Variants in NGF observed in about 807,000 individuals in gnomAD.
The protein encoded by NGF is beta-nerve growth factor.
Under a neutral mutation model 12.8 loss-of-function variants are expected in NGF, and 4 were observed. The ratio of observed to expected loss-of-function variants is 0.31; its 90% CI spans 0.15 to 0.72. The LOEUF (loss-of-function observed/expected upper bound fraction) is 0.72. Ranked by LOEUF, NGF falls within the 30% of genes least tolerant of loss-of-function variation. The pLI, the probability that NGF is intolerant of heterozygous loss-of-function variation, is 0.69. For synonymous variants in NGF, 140 were observed against 130.0 expected, an observed-to-expected ratio of 1.08 and a Z score of -0.52; for missense variants, 283 against 330.8, an observed-to-expected ratio of 0.86 and a Z score of 1.12.
At chr1:115,334,114 T>C (rs1655040517) in intron 1 of NGF, among the ~76,000 whole-genome samples, 1 of 152,172 alleles carries the variant, frequency 6.6e-6, no homozygotes, top group Non-Finnish European at 1.5e-5. Context: ...GCACCATCCC[T>C]CGAGTGTAGT....
At chr1:115,330,399 A>T (rs1369696982) in intron 1 of NGF, among the ~76,000 whole-genome samples, 2 of 152,216 alleles carry the variant, frequency 1.3e-5, no homozygotes, top group Non-Finnish European at 2.9e-5. Flanking sequence ...TAAAGAAGTC[A>T]TCTGTTCTGA....
chr1:115,312,066 A>G (rs1228329331), intron 1 of NGF, among the ~76,000 whole-genome samples: 1 of 152,218 alleles, frequency 6.6e-6, no homozygotes, highest in Non-Finnish European at 1.5e-5. Context: ...AAGTTCTAAC[A>G]CTTAAGTTGT....
chr1:115,326,742 G>A (rs1004774859), intron 1 of NGF, among the ~76,000 whole-genome samples: 10 of 152,120 alleles, frequency 6.6e-5, no homozygotes, highest in African/African-American at 1.7e-4. Flanking sequence ...CAGGGCAAGT[G>A]ACTGTCAAGA....
intron 1 of NGF, among the ~76,000 whole-genome samples, chr1:115,322,527 C>A (rs370877044): frequency 2.4e-4 from 37 of 152,118 alleles, no homozygotes; most frequent in African/African-American, 7.5e-4. Flanking sequence ...ACTGTCCCCC[C>A]CTAAATTGTG....
At chr1:115,315,703 G>C (rs1345186677) in intron 1 of NGF, among the ~76,000 whole-genome samples, 1 of 152,196 alleles carries the variant, frequency 6.6e-6, no homozygotes, top group Non-Finnish European at 1.5e-5. Flanking sequence ...AGTTAGGGGA[G>C]AGGTCAAGGG....
intron 1 of NGF, among the ~76,000 whole-genome samples, chr1:115,305,590 T>C (rs1654180573): frequency 6.6e-6 from 1 of 152,216 alleles, no homozygotes; most frequent in Admixed American, 6.5e-5. Context: ...CTTTTGAGTT[T>C]GTAAAATATC....
At chr1:115,326,616 A>G (rs17033688) in intron 1 of NGF, among the ~76,000 whole-genome samples, 5,488 of 152,220 alleles carry the variant, frequency 0.036, 318 homozygotes, top group African/African-American at 0.12. Flanking sequence ...TGCCTGGCAC[A>G]GACCTCCATT....
Position 115,300,941 on chromosome 1 carries a change from G to T in NGF, c.-136-7191C>A, listed in dbSNP as rs11466090. The stretch of plus-strand genomic sequence containing the variant: ...ATCAGGGTGGTTAACTCTAATGAAG[G>T]GCTATTTGACAGGGATTTTCGAGCT... On this transcript the variant is annotated intron_variant, in intron 1 of 2. Transcript: ENST00000369512. Among the ~76,000 whole-genome samples the T allele has an allele frequency of 9.2e-3, 1,396 of 152,256 alleles. 8 individuals are homozygous for T. Among genetic ancestry groups the T allele is most frequent in the Non-Finnish European group, 0.015 (1,050 of 68,020 alleles).
At chr1:115,325,349 TG>T (rs1221432897) in intron 1 of NGF, among the ~76,000 whole-genome samples, 1 of 152,138 alleles carries the variant, frequency 6.6e-6, no homozygotes, top group Non-Finnish European at 1.5e-5. Context: ...ATCAACATTT[TG>T]GGTCAGATGA....
At chr1:115,301,297 C>T (rs78245088) in intron 1 of NGF, among the ~76,000 whole-genome samples, 11 of 152,162 alleles carry the variant, frequency 7.2e-5, no homozygotes, top group African/African-American at 9.7e-5. Flanking sequence ...AATCACCGCA[C>T]TTCTCAATCT....
chr1:115,307,212 C>G (rs1654225727), intron 1 of NGF, among the ~76,000 whole-genome samples: 1 of 152,066 alleles, frequency 6.6e-6, no homozygotes, highest in African/African-American at 2.4e-5. Context: ...TAGAGGAAAA[C>G]TGAAATAGTA....
Position 115,336,372 on chromosome 1 carries a change from C to T in NGF, c.-137+1832G>A, listed in dbSNP as rs189457704. On this transcript the variant is annotated intron_variant, in intron 1 of 2. Coordinates refer to ENST00000369512, the MANE Select transcript of NGF (RefSeq NM_002506.3). ...GGTGCTTCCTTTTTCCCTTCACCTGCATAAAGATGTTGGGGAAAGAGTGGG... is the reference window on the plus strand; with the variant it reads ...GGTGCTTCCTTTTTCCCTTCACCTGTATAAAGATGTTGGGGAAAGAGTGGG... 2.6e-5 allele frequency among the ~76,000 whole-genome samples: 4 copies of T among 152,292 alleles called. No homozygotes were observed. In the East Asian group the frequency reaches 5.8e-4, roughly 22 times the overall value.
chr1:115,292,089 T>A (rs1653720139), intron 2 of NGF, among the ~76,000 whole-genome samples: 1 of 152,180 alleles, frequency 6.6e-6, no homozygotes, highest in Non-Finnish European at 1.5e-5. Flanking sequence ...GCCTTCACTC[T>A]AAATGTTAAC....
intron 1 of NGF, among the ~76,000 whole-genome samples, chr1:115,304,465 C>T (rs867000171): frequency 6.6e-6 from 1 of 151,662 alleles, no homozygotes; most frequent in Non-Finnish European, 1.5e-5. Flanking sequence ...TGAGCCACTG[C>T]GCCTGGCCAT....
chr1:115,327,694 A>C (rs1236036287), intron 1 of NGF, among the ~76,000 whole-genome samples: 3 of 152,230 alleles, frequency 2.0e-5, no homozygotes, highest in African/African-American at 7.2e-5. Flanking sequence ...AAAAAAAGTA[A>C]GTCAGCCTTT....
At chr1:115,325,547 A>T (rs1274047186) in intron 1 of NGF, among the ~76,000 whole-genome samples, 1 of 152,138 alleles carries the variant, frequency 6.6e-6, no homozygotes, top group Non-Finnish European at 1.5e-5. Context: ...TTTAAGAACC[A>T]CTGAACAAAA....
At chr1:115,294,700 A>G (rs1653809815) in intron 1 of NGF, among the ~76,000 whole-genome samples, 1 of 152,244 alleles carries the variant, frequency 6.6e-6, no homozygotes, top group African/African-American at 2.4e-5. Flanking sequence ...CTTCAAGTTG[A>G]GATCTGGAGG....
rs11466098 is a variant in NGF, at chr1:115,293,399, C to T, written c.-13+228G>A. The stretch of plus-strand genomic sequence containing the variant: ...TTAGACCCTTGATGCAGCTCAGACT[C>T]CTGATATGTCCCTGGGGCCCATGGG... On this transcript the variant is annotated intron_variant, in intron 2 of 2. Coordinates refer to ENST00000369512, the MANE Select transcript of NGF (RefSeq NM_002506.3). Among the ~76,000 whole-genome samples, 8,486 of 152,250 alleles carry T rather than the reference C, an allele frequency of 0.056. 375 individuals carry two copies. Among genetic ancestry groups the T allele is most frequent in the Admixed American group, 0.14 (2,097 of 15,286 alleles).
intron 1 of NGF, among the ~76,000 whole-genome samples, chr1:115,335,811 T>C (rs1264359964): frequency 6.6e-6 from 1 of 152,210 alleles, no homozygotes; most frequent in Non-Finnish European, 1.5e-5. Flanking sequence ...AATCTCTGTG[T>C]AGTTTCCCTG....
Sources: allele counts gnomAD v4.1 joint callset (sites outside exome capture counted in the v4.1 genomes callset), GRCh38; gene constraint gnomAD v4.1.1; transcripts MANE v1.5; gene names NCBI Gene and HGNC (gene_info 2026-07-23, HGNC 2026-07-21).